TRIM2: variants seen among roughly 807,000 people sequenced by gnomAD.
The protein encoded by TRIM2 is tripartite motif containing 2.
Under a neutral mutation model 75.2 loss-of-function variants are expected in TRIM2, and 20 were observed. The ratio of observed to expected loss-of-function variants is 0.27; its 90% CI spans 0.19 to 0.39. The LOEUF (loss-of-function observed/expected upper bound fraction) is 0.39. Among genes scored for constraint, TRIM2 ranks in the 10% least tolerant of loss-of-function variants. The pLI is 1.00. For missense variants in TRIM2, 660 were observed against 990.8 expected (o/e 0.67, Z 4.48); for synonymous variants, 373 against 388.3 (o/e 0.96, Z 0.46).
chr4:153,220,664 C>G (rs116604920), intron 1 of TRIM2, among the ~76,000 whole-genome samples: 108 of 152,116 alleles, frequency 7.1e-4, no homozygotes, highest in Admixed American at 1.8e-3. Context: ...TTTGATGTAA[C>G]AAATAGTAAG....
intron 2 of TRIM2, among the ~76,000 whole-genome samples, chr4:153,272,478 TTAA>T (rs1756951769): frequency 6.9e-6 from 1 of 143,912 alleles, no homozygotes; most frequent in African/African-American, 2.8e-5. Context: ...TTTTATTTTA[TTAA>T]TTATTTATTA....
At chr4:153,159,828 T>C (rs1441052102) in intron 1 of TRIM2, among the ~76,000 whole-genome samples, 1 of 152,192 alleles carries the variant, frequency 6.6e-6, no homozygotes, top group African/African-American at 2.4e-5. Context: ...TAGCTCCGAG[T>C]TTAATTATGT....
rs758879031 is a variant in TRIM2, at chr4:153,322,785, T to G, written c.1920T>G (p.Gly640=). ...QPNGKIVTRF[G]SRGNGDRQFA... is the part of the protein sequence containing the mutation. ...ACGGGAAAATAGTCACCAGGTTTGG[T>G]AGCCGAGGAAATGGGGACAGGCAGT... is the stretch of plus-strand genomic sequence containing the variant. Residue 640 remains glycine, a synonymous_variant, in exon 9 of 12, where the codon GGT becomes GGG. Transcript: ENST00000338700. The G allele has an allele frequency of 6.2e-7, 1 of 1,614,190 alleles. No individual in the cohort carries two copies.
intron 6 of TRIM2, among the ~76,000 whole-genome samples, chr4:153,312,770 C>A (rs113910864): frequency 1.3e-5 from 2 of 152,030 alleles, no homozygotes; most frequent in African/African-American, 4.8e-5. Context: ...ATGTTTATTG[C>A]GGCACTATTC....
chr4:153,221,528 C>T (rs1739989774), intron 1 of TRIM2, among the ~76,000 whole-genome samples: 1 of 152,192 alleles, frequency 6.6e-6, no homozygotes, highest in Non-Finnish European at 1.5e-5. Context: ...CCATACACTT[C>T]TATCATTTCA....
chr4:153,332,511 G>A (rs767859069), intron 11 of TRIM2, among the ~76,000 whole-genome samples: 14 of 152,232 alleles, frequency 9.2e-5, no homozygotes, highest in South Asian at 2.1e-4. Context: ...TGGGTGTGGT[G>A]GTGTGTGCCT....
chr4:153,189,745 A>G (rs1041622356), intron 1 of TRIM2, among the ~76,000 whole-genome samples: 4 of 152,204 alleles, frequency 2.6e-5, no homozygotes, highest in African/African-American at 9.7e-5. Flanking sequence ...CACTGTAGCC[A>G]CCTGCGGTTT....
At position 153,295,404 on chromosome 4, in the gene TRIM2, C is replaced by CG; in HGVS notation, c.880dup (p.Glu294GlyfsTer90). ...ACAGCGCAGGCCCTCAACCATGGCA[C>CG]GGAGACCGAGGTCCTACTGGTGAAG... On this transcript the variant is annotated frameshift_variant, in exon 6 of 12. Coordinates refer to ENST00000338700, the MANE Select transcript of TRIM2 (RefSeq NM_015271.5). LOFTEE classifies it high-confidence loss of function. The surrounding 1 kb of genome is among the most constrained non-coding windows in gnomAD (Gnocchi z 7.2). 6.2e-7 allele frequency: 1 copy of CG among 1,614,072 alleles called. No individual in the cohort carries two copies. The highest frequency in any genetic ancestry group is 8.5e-7 in the Non-Finnish European group (1 of 1,179,986).
chr4:153,296,346 T>C (rs981124205), intron 6 of TRIM2, among the ~76,000 whole-genome samples: 2 of 151,884 alleles, frequency 1.3e-5, no homozygotes, highest in African/African-American at 2.4e-5. Flanking sequence ...AAAAGAGAAA[T>C]AGAAAAATCA....
intron 1 of TRIM2, among the ~76,000 whole-genome samples, chr4:153,162,765 C>T (rs1729866316): frequency 6.6e-6 from 1 of 152,212 alleles, no homozygotes; most frequent in Non-Finnish European, 1.5e-5. Flanking sequence ...AGTTATACCA[C>T]ACCTCAGTAA....
rs1395588714 is a variant in TRIM2, at chr4:153,248,826, T to C, written c.31-21509T>C. ...GATGGTGTCAGATTCCCCTGTCCTC[T>C]GATTAGCTCCCTCTGCCAAGGTGCC... On this transcript the variant is annotated intron_variant, in intron 1 of 11. Transcript: ENST00000338700. This position sits in a 1 kb window ranked among gnomAD's most constrained non-coding sequence, Gnocchi z 4.0. Among the ~76,000 whole-genome samples the C allele has an allele frequency of 6.6e-6, 1 of 152,250 alleles. No homozygotes were observed.
intron 1 of TRIM2, among the ~76,000 whole-genome samples, chr4:153,220,268 G>A (rs1348007714): frequency 7.9e-6 from 1 of 127,366 alleles, no homozygotes; most frequent in Non-Finnish European, 1.7e-5. Flanking sequence ...CAGATAGAAT[G>A]AGAAAAGCTT....
At chr4:153,166,368 C>T (rs4696428) in intron 1 of TRIM2, among the ~76,000 whole-genome samples, 67,668 of 151,936 alleles carry the variant, frequency 0.45, 16,177 homozygotes, top group Non-Finnish European at 0.55. Flanking sequence ...GGAGTCTTTG[C>T]GTGATTGATG....
chr4:153,330,021 G>A (rs549995076), intron 11 of TRIM2, among the ~76,000 whole-genome samples: 57 of 151,972 alleles, frequency 3.8e-4, no homozygotes, highest in Non-Finnish European at 8.8e-5. Flanking sequence ...GACATCAAAA[G>A]GATAATAAGG....
Position 153,338,326 on chromosome 4 carries a change from T to C in TRIM2, c.*3360T>C, listed in dbSNP as rs1442993614. 4 of 985,718 alleles carry C rather than the reference T, an allele frequency of 4.1e-6. No homozygotes were observed. The Admixed American group carries it at 2.5e-4, about 61-fold the overall frequency. The allele number at this position is 985,718 out of a possible 1,614,324, so 61.1% of individuals were successfully genotyped here. A position where few individuals can be genotyped will look rare whatever the true frequency, so the allele number is the denominator to read the frequency against. ...ATTACTTCAAATGGGAAAAATCTTT[T>C]TGTAGACTCTATAGTACCCTCTCTA... is the stretch of plus-strand genomic sequence containing the variant. On this transcript the variant is annotated 3_prime_UTR_variant, in exon 12 of 12. Transcript: ENST00000338700.
chr4:153,209,841 TA>T (rs1736465684), intron 1 of TRIM2, among the ~76,000 whole-genome samples: 2 of 152,162 alleles, frequency 1.3e-5, no homozygotes, highest in South Asian at 4.1e-4. Context: ...GGTAAGTAGT[TA>T]AGTATATCCC....
chr4:153,260,739 T>C (rs1484684367), intron 1 of TRIM2, among the ~76,000 whole-genome samples: 1 of 108,134 alleles, frequency 9.2e-6, no homozygotes, highest in Non-Finnish European at 1.8e-5. Context: ...ATCATCATCA[T>C]CATCATGATC....
In TRIM2 at chr4:153,294,500, A is replaced by G. The variant is rs775630882; in HGVS notation, c.786+15A>G. ...TCAAACACAAAGTAAGACCAGAATC[A>G]TTACAGATGTCCTGGAAGAGACATG... On this transcript the variant is annotated intron_variant, in intron 5 of 11. Coordinates refer to ENST00000338700, the MANE Select transcript of TRIM2 (RefSeq NM_015271.5). The G allele has an allele frequency of 1.2e-5, 19 of 1,609,276 alleles. No individual in the cohort carries two copies. The East Asian group carries it at 2.7e-4, about 23-fold the overall frequency.
chr4:153,293,034 C>A lies in TRIM2; in HGVS notation c.506C>A (p.Thr169Lys). Residue 169 changes from threonine to lysine, a missense_variant, in exon 4 of 12, where the codon ACG (threonine) becomes AAG (lysine). This residue lies in a region of TRIM2 where 620 missense variants were observed against 891.0 expected (regional missense o/e 0.70). Coordinates refer to ENST00000338700, the MANE Select transcript of TRIM2 (RefSeq NM_015271.5). Reference sequence around the variant, plus strand: ...GAGACTGCCATGTGTCGGGAGTGCACGGAGGGGGAGCACGCAGAGCACCCC... The same window carrying A: ...GAGACTGCCATGTGTCGGGAGTGCAAGGAGGGGGAGCACGCAGAGCACCCC... ...SCETAMCREC[T>K]EGEHAEHPTV... 6.2e-7 allele frequency: 1 copy of A among 1,613,492 alleles called. No homozygotes were observed. The highest frequency in any genetic ancestry group is 2.2e-5 in the East Asian group (1 of 44,866).
Sources: allele counts gnomAD v4.1 joint callset (sites outside exome capture counted in the v4.1 genomes callset), GRCh38; gene constraint gnomAD v4.1.1; regional missense constraint gnomAD v4.1.1; non-coding constraint Gnocchi (gnomAD v3.1); transcripts MANE v1.5; gene names NCBI Gene and HGNC (gene_info 2026-07-23, HGNC 2026-07-21).